Variants in ISM1 observed in about 807,000 individuals in gnomAD.
ISM1 encodes isthmin 1.
ISM1 carries 25 observed loss-of-function variants against 46.3 expected under a neutral mutation model. That is an observed-to-expected ratio of 0.54 (90% CI 0.39 to 0.75). The LOEUF (loss-of-function observed/expected upper bound fraction) is 0.75, where lower values mean the gene tolerates loss of function less well. Among genes scored for constraint, ISM1 ranks in the 30% least tolerant of loss-of-function variants. ISM1 has a pLI of 0.00. For synonymous variants in ISM1, 255 were observed against 256.7 expected, an observed-to-expected ratio of 0.99 and a Z score of 0.06; for missense variants, 536 against 625.4, an observed-to-expected ratio of 0.86 and a Z score of 1.52.
intron 1 of ISM1, among the ~76,000 whole-genome samples, chr20:13,233,324 G>A (rs530185413): frequency 3.3e-5 from 5 of 152,158 alleles, no homozygotes; most frequent in East Asian, 1.9e-4. Context: ...TGCCGGGCGC[G>A]GTGGCTCATG....
chr20:13,288,280 G>A (rs532964566), intron 3 of ISM1, among the ~76,000 whole-genome samples: 19 of 152,298 alleles, frequency 1.2e-4, no homozygotes, highest in Admixed American at 1.2e-3. Flanking sequence ...GCAAATGTAT[G>A]CATTCTCAGT....
the ISM1 span, among the ~76,000 whole-genome samples, chr20:13,317,271 G>T: frequency 6.6e-6 from 1 of 151,016 alleles, no homozygotes; most frequent in Non-Finnish European, 1.5e-5. Context: ...AAACAAAAAA[G>T]CTACAAATCT....
intron 3 of ISM1, among the ~76,000 whole-genome samples, chr20:13,282,716 G>A (rs911868584): frequency 7.2e-5 from 11 of 152,170 alleles, no homozygotes; most frequent in African/African-American, 2.4e-4. Flanking sequence ...AAATAAAGTC[G>A]TGTTCTGTGC....
intron 4 of ISM1, among the ~76,000 whole-genome samples, chr20:13,289,068 G>A (rs1057235730): frequency 6.6e-6 from 1 of 152,252 alleles, no homozygotes; most frequent in African/African-American, 2.4e-5. Context: ...TTACAGGCAT[G>A]AGGCAAGATG....
At chr20:13,225,230 G>A (rs2039509364) in intron 1 of ISM1, among the ~76,000 whole-genome samples, 1 of 152,144 alleles carries the variant, frequency 6.6e-6, no homozygotes, top group Non-Finnish European at 1.5e-5. Context: ...AGGAGAAACT[G>A]AGGTTAGGTA....
At chr20:13,306,564 C>CAAAAAA in the ISM1 span, among the ~76,000 whole-genome samples, 115 of 63,898 alleles carry the variant, frequency 1.8e-3, 2 homozygotes, top group Non-Finnish European at 2.1e-3. Flanking sequence ...GGAGAAAGGA[C>CAAAAAA]AAAAAAAAAA....
chr20:13,225,225 A>T (rs933389015), intron 1 of ISM1, among the ~76,000 whole-genome samples: 1 of 152,088 alleles, frequency 6.6e-6, no homozygotes, highest in African/African-American at 2.4e-5. Context: ...TCAAAAGGAG[A>T]AACTGAGGTT....
intron 1 of ISM1, chr20:13,245,122 T>C (rs1399615878): frequency 6.6e-6 from 1 of 152,252 alleles, no homozygotes; most frequent in Non-Finnish European, 1.5e-5. Flanking sequence ...CCTTCTTGTA[T>C]TGGTTATCTA....
chr20:13,269,450 G>A (rs760540457), intron 1 of ISM1, among the ~76,000 whole-genome samples: 6 of 152,162 alleles, frequency 3.9e-5, no homozygotes, highest in African/African-American at 9.7e-5. Flanking sequence ...ATGCCTTTTC[G>A]TGACTTTTTC....
At chr20:13,233,468 T>G (rs1321676657) in intron 1 of ISM1, among the ~76,000 whole-genome samples, 1 of 151,706 alleles carries the variant, frequency 6.6e-6, no homozygotes, top group African/African-American at 2.4e-5. Context: ...GGTGGTGCAT[T>G]CCTGTAATCC....
chr20:13,232,193 T>C (rs776607473), intron 1 of ISM1, among the ~76,000 whole-genome samples: 20 of 152,214 alleles, frequency 1.3e-4, no homozygotes, highest in Non-Finnish European at 1.5e-4. Flanking sequence ...TGACAACTAA[T>C]AAACTGTACA....
intron 1 of ISM1, among the ~76,000 whole-genome samples, chr20:13,269,966 T>TGGATGGATGGAA (rs1600531817): frequency 6.6e-6 from 1 of 151,884 alleles, no homozygotes; most frequent in Admixed American, 6.6e-5. Context: ...GATGGATGGA[T>TGGATGGATGGAA]AGATGGATAT....
At chr20:13,234,547 T>A (rs968340869) in intron 1 of ISM1, among the ~76,000 whole-genome samples, 1 of 152,248 alleles carries the variant, frequency 6.6e-6, no homozygotes, top group Admixed American at 6.5e-5. Flanking sequence ...TCTATAAAGG[T>A]TGTGCTTATT....
chr20:13,270,354 C>T, intron 1 of ISM1, 150 bp from the exon 2 acceptor site: 1 of 812,586 alleles, frequency 1.2e-6, no homozygotes, highest in Non-Finnish European at 1.9e-6. Context: ...GAAACTAAAC[C>T]ATGGGTTTGC....
chr20:13,222,419 C>A (rs550679888), intron 1 of ISM1, among the ~76,000 whole-genome samples: 6 of 152,126 alleles, frequency 3.9e-5, no homozygotes, highest in Admixed American at 3.9e-4. Flanking sequence ...AGGAGAATAG[C>A]CAGGCATCCC....
chr20:13,274,213 G>A (rs1400625760), intron 2 of ISM1, among the ~76,000 whole-genome samples: 4 of 152,136 alleles, frequency 2.6e-5, no homozygotes, highest in Admixed American at 6.5e-5. Context: ...TCTACAAGGA[G>A]GTGATGGTTT....
rs1600467053 is a variant in ISM1, at chr20:13,221,453, A to C, written c.-324A>C. 1.4e-5 allele frequency among the ~76,000 whole-genome samples: 2 copies of C among 139,050 alleles called. No individual in the cohort carries two copies. Among genetic ancestry groups the C allele is most frequent in the South Asian group, 2.5e-4 (1 of 4,010 alleles). The allele number at this position is 139,050 out of a possible 152,430, so 91.2% of individuals were successfully genotyped here. A position where few individuals can be genotyped will look rare whatever the true frequency, so the allele number is the denominator to read the frequency against. ...GGCCCGGGTCCCGGGCTGTCCCGGG[A>C]CCCAGTCTCCGTCTCCGCCGCCGCC... On this transcript the variant is annotated 5_prime_UTR_variant, in exon 1 of 6. Coordinates refer to ENST00000262487, the MANE Select transcript of ISM1 (RefSeq NM_080826.2).
At position 13,227,553 on chromosome 20, in the gene ISM1, G is replaced by T. The variant is rs1172030682; in HGVS notation, c.138+5639G>T. Among the ~76,000 whole-genome samples, 20 of 146,724 alleles carry T rather than the reference G, an allele frequency of 1.4e-4. No individual in the cohort carries two copies. In the East Asian group the frequency reaches 3.6e-3, roughly 26 times the overall value. On this transcript the variant is annotated intron_variant, in intron 1 of 5. Transcript: ENST00000262487. ...AGACGGAGTCTTGCTCTGTCACCCA[G>T]GCTGGAGTGCAGTGGCGCGATCTTG...
chr20:13,225,430 T>C (rs2039512520), intron 1 of ISM1, among the ~76,000 whole-genome samples: 1 of 152,224 alleles, frequency 6.6e-6, no homozygotes, highest in Non-Finnish European at 1.5e-5. Flanking sequence ...ATGACATATA[T>C]GTATATATAC....
Sources: allele counts gnomAD v4.1 joint callset (sites outside exome capture counted in the v4.1 genomes callset), GRCh38; gene constraint gnomAD v4.1.1; transcripts MANE v1.5; gene names NCBI Gene and HGNC (gene_info 2026-07-23, HGNC 2026-07-21).